AKAP13: variants seen among roughly 807,000 people sequenced by gnomAD.
AKAP13 encodes A-kinase anchoring protein 13, also known as A-kinase anchor protein 13.
A neutral mutation model predicts 264.5 loss-of-function variants in AKAP13; 80 were observed. The observed-to-expected ratio is 0.30, with a 90% CI of 0.25 to 0.36. AKAP13 has a LOEUF of 0.36. Ranked by LOEUF, AKAP13 falls within the 10% of genes least tolerant of loss-of-function variation. The pLI, the probability that AKAP13 is intolerant of heterozygous loss-of-function variation, is 1.00. For missense variants in AKAP13, 3,712 were observed against 3,435.2 expected (o/e 1.08, Z -2.01); for synonymous variants, 1,380 against 1,250.2 (o/e 1.10, Z -2.19).
chr15:85,673,184 T>C (rs990883747), intron 14 of AKAP13, among the ~76,000 whole-genome samples: 1 of 152,212 alleles, frequency 6.6e-6, no homozygotes, highest in Non-Finnish European at 1.5e-5. Context: ...ACTTGTAGCA[T>C]TATTTCTAAG....
chr15:85,401,317 G>A (rs1445877817), intron 1 of AKAP13, among the ~76,000 whole-genome samples: 5 of 151,940 alleles, frequency 3.3e-5, no homozygotes, highest in East Asian at 1.9e-4. Flanking sequence ...TGTTAGTTTC[G>A]TTATGAAGTC....
In AKAP13 at chr15:85,645,997, G is replaced by A. The variant is rs371699858; in HGVS notation, c.4374+43G>A. 16 of 1,595,466 alleles carry A rather than the reference G, an allele frequency of 1.0e-5. No homozygotes were observed. The Middle Eastern group carries it at 5.1e-4, about 51-fold the overall frequency. On this transcript the variant is annotated intron_variant, in intron 10 of 36. Transcript: ENST00000394518. ...CTTTCATTTTTGTCACACGGCTTTT[G>A]TGTTCCTATTTGGGCTTCCCAAACT... is the stretch of plus-strand genomic sequence containing the variant.
chr15:85,508,501 G>A (rs1323022135), intron 2 of AKAP13, among the ~76,000 whole-genome samples: 2 of 151,906 alleles, frequency 1.3e-5, no homozygotes, highest in Non-Finnish European at 2.9e-5. Context: ...CCTCTGACGG[G>A]GGTGGTGGTA....
chr15:85,389,979 A>G (rs1037803646), intron 1 of AKAP13: 1 of 152,252 alleles, frequency 6.6e-6, no homozygotes. Flanking sequence ...GTCAGTGGGT[A>G]GAGTGCTGGC....
At chr15:85,610,586 A>G (rs1287690172) in intron 8 of AKAP13, among the ~76,000 whole-genome samples, 2 of 152,254 alleles carry the variant, frequency 1.3e-5, no homozygotes, top group Non-Finnish European at 2.9e-5. Flanking sequence ...TCAGGTTAGT[A>G]ATCTTATAGC....
intron 14 of AKAP13, among the ~76,000 whole-genome samples, chr15:85,679,800 T>G (rs1405855965): frequency 6.6e-6 from 1 of 152,224 alleles, no homozygotes; most frequent in East Asian, 1.9e-4. Context: ...AGGCTAACTT[T>G]AATGACAAGT....
At chr15:85,382,709 T>C (rs2070350974) in intron 1 of AKAP13, among the ~76,000 whole-genome samples, 1 of 152,252 alleles carries the variant, frequency 6.6e-6, no homozygotes, top group African/African-American at 2.4e-5. Flanking sequence ...ATACTATAAA[T>C]GGACTCCTCC....
At chr15:85,641,842 T>G (rs1372085394) in intron 9 of AKAP13, among the ~76,000 whole-genome samples, 1 of 152,124 alleles carries the variant, frequency 6.6e-6, no homozygotes, top group Non-Finnish European at 1.5e-5. Flanking sequence ...AATGGATAAA[T>G]TACAAGATAG....
chr15:85,735,512 A>C (rs774356833), intron 31 of AKAP13, 48 bp from the exon 32 acceptor site: 7 of 1,569,598 alleles, frequency 4.5e-6, no homozygotes, highest in Non-Finnish European at 6.1e-6. Flanking sequence ...TCCTTGGCTA[A>C]TCTGTTTCAC....
In AKAP13 at chr15:85,724,792, G is replaced by C. The variant is rs2087506243; in HGVS notation, c.6745+1472G>C. Among the ~76,000 whole-genome samples, 1 of 151,930 alleles carries C rather than the reference G, an allele frequency of 6.6e-6. No individual in the cohort carries two copies. Among genetic ancestry groups the C allele is most frequent in the South Asian group, 2.1e-4 (1 of 4,816 alleles). On this transcript the variant is annotated intron_variant, in intron 26 of 36. Transcript: ENST00000394518. This position sits in a 1 kb window ranked among gnomAD's most constrained non-coding sequence, Gnocchi z 4.2. ...AGATAAGAGACTGTGCAGTGCTTTG[G>C]GGAAGAGCTCATCTGGGCCTGCATT... is the stretch of plus-strand genomic sequence containing the variant.
At chr15:85,571,165 G>A (rs2078805473) in intron 5 of AKAP13, among the ~76,000 whole-genome samples, 1 of 152,188 alleles carries the variant, frequency 6.6e-6, no homozygotes, top group South Asian at 2.1e-4. Context: ...AGGCCTGGCT[G>A]AATGGAACTT....
chr15:85,420,441 T>C (rs1030658333), intron 1 of AKAP13, among the ~76,000 whole-genome samples: 2 of 152,178 alleles, frequency 1.3e-5, no homozygotes, highest in Non-Finnish European at 2.9e-5. Context: ...TTATCTTTCC[T>C]GCTTGAAAAG....
chr15:85,514,652 G>A (rs1226601104), intron 2 of AKAP13, among the ~76,000 whole-genome samples: 1 of 137,968 alleles, frequency 7.2e-6, no homozygotes, highest in Admixed American at 7.3e-5. Context: ...GCTGCCATGA[G>A]TTGCCAAGTT....
At chr15:85,667,278 A>G (rs1474844217) in intron 13 of AKAP13, among the ~76,000 whole-genome samples, 1 of 152,210 alleles carries the variant, frequency 6.6e-6, no homozygotes, top group Non-Finnish European at 1.5e-5. Context: ...AGACCAGACA[A>G]ATAAAGAGAT....
At chr15:85,549,811 A>G in intron 5 of AKAP13, among the ~76,000 whole-genome samples, 1 of 152,246 alleles carries the variant, frequency 6.6e-6, no homozygotes, top group East Asian at 1.9e-4. Flanking sequence ...GAGGAAAACA[A>G]GGTTCTTACT....
At position 85,743,844 on chromosome 15, in the gene AKAP13, C is replaced by T; in HGVS notation, c.8392+19C>T. ...CCCGGTGGTGAGTCACGCACACCTG[C>T]TCTCCCTGTGGCCATAGTGTCTGTG... is the stretch of plus-strand genomic sequence containing the variant. On this transcript the variant is annotated intron_variant, in intron 36 of 36. Transcript: ENST00000394518. 2 of 1,593,460 alleles carry T rather than the reference C, an allele frequency of 1.3e-6. No homozygotes were observed. Among genetic ancestry groups the T allele is most frequent in the Non-Finnish European group, 1.7e-6 (2 of 1,171,080 alleles).
chr15:85,471,231 C>T (rs2074948726), intron 1 of AKAP13, among the ~76,000 whole-genome samples: 1 of 152,172 alleles, frequency 6.6e-6, no homozygotes, highest in African/African-American at 2.4e-5. Flanking sequence ...CGCGGTGGCT[C>T]ACGTCTGTAA....
intron 2 of AKAP13, among the ~76,000 whole-genome samples, chr15:85,504,687 C>T (rs2076152148): frequency 1.0e-5 from 1 of 99,022 alleles, no homozygotes; most frequent in African/African-American, 3.6e-5. Context: ...GCCCAACACC[C>T]TGTCTCCAAA....
At chr15:85,648,387 GTTAC>G (rs2082655510) in intron 10 of AKAP13, among the ~76,000 whole-genome samples, 1 of 152,222 alleles carries the variant, frequency 6.6e-6, no homozygotes, top group Non-Finnish European at 1.5e-5. Context: ...CAGACTCAGA[GTTAC>G]TTCTGGTCAC....
Sources: gnomAD v4.1 joint callset for allele counts (sites outside exome capture counted in the v4.1 genomes callset) on GRCh38, gnomAD v4.1.1 for gene constraint, Gnocchi (gnomAD v3.1) non-coding constraint, MANE v1.5 for transcripts, NCBI Gene and HGNC (gene_info 2026-07-23, HGNC 2026-07-21) for gene names.